The following PRUNE2 variants were observed in gnomAD, a reference collection of about 807,000 sequenced individuals.
The protein encoded by PRUNE2 is prune homolog 2 with BCH domain, also known as protein prune homolog 2.
A neutral mutation model predicts 252.0 loss-of-function variants in PRUNE2; 164 were observed. The observed-to-expected ratio is 0.65, with a 90% CI of 0.57 to 0.74. The LOEUF (loss-of-function observed/expected upper bound fraction) is 0.74, where lower values mean the gene tolerates loss of function less well. Among genes scored for constraint, PRUNE2 ranks in the 30% least tolerant of loss-of-function variants. PRUNE2 has a pLI of 0.00. For missense variants in PRUNE2, 3,495 were observed against 3,711.0 expected (o/e 0.94, Z 1.51); for synonymous variants, 1,292 against 1,350.2 (o/e 0.96, Z 0.94).
chr9:76,649,196 G>C (rs972396187), intron 11 of PRUNE2, among the ~76,000 whole-genome samples: 2 of 152,160 alleles, frequency 1.3e-5, no homozygotes, highest in South Asian at 4.1e-4. Context: ...ATACAGACAT[G>C]CTTCATGAAA....
At chr9:76,639,302 A>G (rs186112563) in intron 12 of PRUNE2, among the ~76,000 whole-genome samples, 372 of 152,240 alleles carry the variant, frequency 2.4e-3, no homozygotes, top group Non-Finnish European at 4.2e-3. Flanking sequence ...GACCACCCGG[A>G]CAGCACGGTG....
intron 6 of PRUNE2, among the ~76,000 whole-genome samples, chr9:76,817,062 C>T (rs1248471177): frequency 6.6e-6 from 1 of 152,100 alleles, no homozygotes; most frequent in Non-Finnish European, 1.5e-5. Context: ...TTTCAGGAAG[C>T]AAAGGTGTGA....
At chr9:76,877,475 A>G (rs1652464959) in intron 1 of PRUNE2, among the ~76,000 whole-genome samples, 1 of 151,944 alleles carries the variant, frequency 6.6e-6, no homozygotes, top group African/African-American at 2.4e-5. Context: ...CCTGGGTGAC[A>G]GAGTGAGACC....
chr9:76,752,110 T>TA lies in PRUNE2; in HGVS notation c.757-38390_757-38389insT, dbSNP rs1301627058. Reference sequence around the variant, plus strand: ...GTTTTTTTTTTGGTTTTTTTTTTTTTTTTTTGAGACGGAGTCTCACTCTGT... The same window carrying TA: ...GTTTTTTTTTTGGTTTTTTTTTTTTTATTTTTGAGACGGAGTCTCACTCTGT... On this transcript the variant is annotated intron_variant, in intron 6 of 18. Coordinates refer to ENST00000376718, the MANE Select transcript of PRUNE2 (RefSeq NM_015225.3). Among the ~76,000 whole-genome samples the TA allele has an allele frequency of 5.3e-5, 8 of 151,812 alleles. No individual in the cohort carries two copies. In the East Asian group the frequency reaches 1.2e-3, roughly 22 times the overall value.
chr9:76,665,811 A>G (rs2040033522), intron 9 of PRUNE2, among the ~76,000 whole-genome samples: 1 of 152,150 alleles, frequency 6.6e-6, no homozygotes, highest in African/African-American at 2.4e-5. Context: ...AGGTGGGCAG[A>G]TCACCTGAGG....
intron 4 of PRUNE2, among the ~76,000 whole-genome samples, chr9:76,841,166 T>C (rs1432324211): frequency 1.3e-5 from 2 of 151,776 alleles, no homozygotes; most frequent in African/African-American, 4.8e-5. Flanking sequence ...CCATGGAGGG[T>C]GAGCCAAAGC....
chr9:76,699,572 G>A (rs2045706044), intron 9 of PRUNE2, among the ~76,000 whole-genome samples: 11 of 152,164 alleles, frequency 7.2e-5, no homozygotes, highest in Admixed American at 7.2e-4. Context: ...CCAGCCTGCA[G>A]CCCTGCAGAA....
intron 6 of PRUNE2, among the ~76,000 whole-genome samples, chr9:76,792,473 A>G (rs2055651254): frequency 6.6e-6 from 1 of 152,178 alleles, no homozygotes; most frequent in Non-Finnish European, 1.5e-5. Context: ...CTCACAGAGG[A>G]CAGAACGAGA....
At chr9:76,699,060 C>A (rs1341955672) in intron 9 of PRUNE2, among the ~76,000 whole-genome samples, 1 of 142,974 alleles carries the variant, frequency 7.0e-6, no homozygotes, top group Non-Finnish European at 1.5e-5. Context: ...TCCCTCCATC[C>A]CCCATGGCTG....
At chr9:76,877,350 CA>C (rs1314290640) in intron 1 of PRUNE2, among the ~76,000 whole-genome samples, 2 of 151,972 alleles carry the variant, frequency 1.3e-5, no homozygotes, top group Admixed American at 1.3e-4. Flanking sequence ...ACTAAAAATA[CA>C]AAAAATTAGC....
chr9:76,670,675 G>A (rs977831457), intron 9 of PRUNE2, among the ~76,000 whole-genome samples: 7 of 152,048 alleles, frequency 4.6e-5, no homozygotes, highest in African/African-American at 1.7e-4. Flanking sequence ...GAAGAGAGCA[G>A]TGGTTCTCCC....
intron 6 of PRUNE2, among the ~76,000 whole-genome samples, chr9:76,749,978 T>A (rs1238925163): frequency 6.6e-6 from 1 of 152,056 alleles, no homozygotes; most frequent in Non-Finnish European, 1.5e-5. Flanking sequence ...GATAGGAGCG[T>A]CTTTTTGTTC....
In PRUNE2 at chr9:76,705,361, C is replaced by T. The variant is rs368011437; in HGVS notation, c.6913G>A (p.Asp2305Asn). 3.2e-5 allele frequency: 51 copies of T among 1,613,860 alleles called. No individual in the cohort carries two copies. The Admixed American group carries it at 3.3e-4, about 11-fold the overall frequency. The change falls in exon 8 of 19, where the codon GAT (aspartate) becomes AAT (asparagine). Residue 2305 changes from aspartate (D) to asparagine (N), a missense_variant. Coordinates refer to ENST00000376718, the MANE Select transcript of PRUNE2 (RefSeq NM_015225.3). Reference sequence around the variant, plus strand: ...GTGGATGTGTTGAGACCTGAGGCATCGCTGAAACTGTGGTCAAAGGCAGCT... The same window carrying T: ...GTGGATGTGTTGAGACCTGAGGCATTGCTGAAACTGTGGTCAAAGGCAGCT... Reference protein sequence around the residue: ...SEAAFDHSFSDASGLNTSTGT... With the variant: ...SEAAFDHSFSNASGLNTSTGT...
chr9:76,636,888 G>A (rs952840979), intron 14 of PRUNE2, among the ~76,000 whole-genome samples: 30 of 152,052 alleles, frequency 2.0e-4, no homozygotes, highest in African/African-American at 6.8e-4. Context: ...CCCAGGAGGC[G>A]GAGGTTGCCG....
At chr9:76,692,492 C>T (rs895991182) in intron 9 of PRUNE2, 18 of 240,264 alleles carry the variant, frequency 7.5e-5, no homozygotes, top group Non-Finnish European at 1.4e-4. Flanking sequence ...AGTTTCACAG[C>T]ACATACCTAT....
intron 6 of PRUNE2, among the ~76,000 whole-genome samples, chr9:76,762,753 G>A (rs985090949): frequency 5.9e-5 from 9 of 152,070 alleles, no homozygotes; most frequent in Non-Finnish European, 1.0e-4. Flanking sequence ...CAGGCCCTTC[G>A]CCATGAGCAT....
At chr9:76,620,327 G>A (rs1417621009) in intron 17 of PRUNE2, among the ~76,000 whole-genome samples, 1 of 151,858 alleles carries the variant, frequency 6.6e-6, no homozygotes, top group South Asian at 2.1e-4. Context: ...TTTGGTAGGG[G>A]TAGGGTTTTG....
intron 3 of PRUNE2, among the ~76,000 whole-genome samples, chr9:76,848,178 C>T (rs991347238): frequency 6.6e-6 from 1 of 152,160 alleles, no homozygotes; most frequent in Admixed American, 6.5e-5. Flanking sequence ...GCAAGAGAAT[C>T]GCCTGAACCT....
chr9:76,814,779 C>A (rs911001496), intron 6 of PRUNE2, among the ~76,000 whole-genome samples: 1 of 152,236 alleles, frequency 6.6e-6, no homozygotes, highest in East Asian at 1.9e-4. Flanking sequence ...TAATATATGT[C>A]CACATTTGCA....
Sources: gnomAD v4.1 joint callset for allele counts (sites outside exome capture counted in the v4.1 genomes callset) on GRCh38, gnomAD v4.1.1 for gene constraint, MANE v1.5 for transcripts, NCBI Gene and HGNC (gene_info 2026-07-23, HGNC 2026-07-21) for gene names.